Variants in PCDHGB1 observed in about 807,000 individuals in gnomAD.
PCDHGB1 encodes protocadherin gamma-B1.
A neutral mutation model predicts 56.6 loss-of-function variants in PCDHGB1; 34 were observed. The observed-to-expected ratio is 0.60, with a 90% CI of 0.46 to 0.80. PCDHGB1 has a LOEUF of 0.80. Ranked by LOEUF, PCDHGB1 falls within the 30% of genes least tolerant of loss-of-function variation. The probability of loss-of-function intolerance (pLI) is 0.00; values close to 1 mark genes in which losing one functional copy is unlikely to be tolerated. For synonymous variants in PCDHGB1, 561 were observed against 505.9 expected (o/e 1.11, Z -1.46); for missense variants, 1,278 against 1,204.6 (o/e 1.06, Z -0.90).
intron 1 of PCDHGB1, among the ~76,000 whole-genome samples, chr5:141,483,980 G>C (rs1379963326): frequency 2.0e-5 from 3 of 148,294 alleles, no homozygotes; most frequent in African/African-American, 7.5e-5. Flanking sequence ...CAAGGGAGTA[G>C]CTAGGTTGCT....
At chr5:141,421,720 G>A (rs372813759) in intron 1 of PCDHGB1, 4 of 1,613,788 alleles carry the variant, frequency 2.5e-6, no homozygotes, top group Non-Finnish European at 3.4e-6. Context: ...AGATGTGGGC[G>A]TGAACTCCCT....
At chr5:141,370,989 C>A in intron 1 of PCDHGB1, 2 of 1,613,982 alleles carry the variant, frequency 1.2e-6, no homozygotes, top group East Asian at 2.2e-5. Flanking sequence ...ACTGAAAGCA[C>A]CCCTGGACAG....
intron 1 of PCDHGB1, chr5:141,364,699 A>G (rs1465164729): frequency 1.2e-6 from 2 of 1,613,874 alleles, no homozygotes; most frequent in Non-Finnish European, 1.7e-6. Flanking sequence ...AAGTAGAAAT[A>G]ATCGATATTA....
chr5:141,408,973 T>G lies in PCDHGB1; in HGVS notation c.2409+56304T>G, dbSNP rs754120948. 4.3e-5 allele frequency: 70 copies of G among 1,613,718 alleles called. No homozygotes were observed. In the Admixed American group the frequency reaches 6.5e-4, roughly 15 times the overall value. ...TTAGTCTTAGTGAAAATCTGCCCCC[T>G]GGGTCCCCTGTGTTGCAAGTGACAG... On this transcript the variant is annotated intron_variant, in intron 1 of 3. Transcript: ENST00000523390.
chr5:141,404,387 C>A, intron 1 of PCDHGB1: 1 of 1,613,874 alleles, frequency 6.2e-7, no homozygotes, highest in Non-Finnish European at 8.5e-7. Context: ...TGCCTATGAC[C>A]CTGATAGCAA....
chr5:141,394,496 G>T (rs779718881), intron 1 of PCDHGB1: 5 of 1,614,118 alleles, frequency 3.1e-6, no homozygotes, highest in Middle Eastern at 1.6e-4. Context: ...ACGCGCCCGA[G>T]ATCCTGTACC....
intron 2 of PCDHGB1, among the ~76,000 whole-genome samples, chr5:141,503,851 A>C (rs1484022055): frequency 6.6e-6 from 1 of 152,116 alleles, no homozygotes; most frequent in Non-Finnish European, 1.5e-5. Context: ...CCTTGGAAAA[A>C]TTGTAAAGCA....
At chr5:141,391,358 G>T (rs2150448712) in intron 1 of PCDHGB1, 1 of 150,474 alleles carries the variant, frequency 6.6e-6, no homozygotes, top group East Asian at 1.9e-4. Context: ...TGTTACTCAG[G>T]CTGTAGTGCA....
rs1290674122 is a variant in PCDHGB1 at position 141,489,521 on chromosome 5, G to A, written c.2410-5286G>A. 3 of 1,613,988 alleles carry A rather than the reference G, an allele frequency of 1.9e-6. No individual in the cohort carries two copies. The highest frequency in any genetic ancestry group is 2.2e-5 in the East Asian group (1 of 44,886). On this transcript the variant is annotated intron_variant, in intron 1 of 3. Coordinates refer to ENST00000523390, the MANE Select transcript of PCDHGB1 (RefSeq NM_018922.3). This position sits in a 1 kb window ranked among gnomAD's most constrained non-coding sequence, Gnocchi z 4.5. ...GTGAATCAAAAGATTGACCGAGAAAGCCTATGTGGAGCCAGCACCAGCTGC... is the reference window on the plus strand; with the variant it reads ...GTGAATCAAAAGATTGACCGAGAAAACCTATGTGGAGCCAGCACCAGCTGC...
At chr5:141,478,862 C>T (rs1057119202) in intron 1 of PCDHGB1, 23 of 1,325,916 alleles carry the variant, frequency 1.7e-5, no homozygotes, top group Non-Finnish European at 2.2e-5. Flanking sequence ...AAGATCTCAG[C>T]GATCAGAGTT....
At chr5:141,470,428 T>A (rs974038419) in intron 1 of PCDHGB1, among the ~76,000 whole-genome samples, 1 of 152,254 alleles carries the variant, frequency 6.6e-6, no homozygotes, top group Non-Finnish European at 1.5e-5. Flanking sequence ...TTTTTCCTTG[T>A]GTGCAATAAT....
chr5:141,488,480 C>A (rs935896624), intron 1 of PCDHGB1, among the ~76,000 whole-genome samples: 6 of 152,298 alleles, frequency 3.9e-5, no homozygotes, highest in African/African-American at 1.4e-4. Flanking sequence ...GTTCCCCTAC[C>A]CAAAAACTGT....
At chr5:141,416,014 A>G (rs1258459397) in intron 1 of PCDHGB1, 1 of 228,504 alleles carries the variant, frequency 4.4e-6, no homozygotes, top group African/African-American at 2.3e-5. Flanking sequence ...AAGAATAGGT[A>G]AGTATCAGAA....
intron 1 of PCDHGB1, chr5:141,399,738 G>T: frequency 1.2e-6 from 2 of 1,613,268 alleles, no homozygotes; most frequent in South Asian, 2.2e-5. Flanking sequence ...GCTCGCCTGC[G>T]CTCAGCGCAA....
chr5:141,361,548 C>T (rs374369531), intron 1 of PCDHGB1: 4 of 1,614,094 alleles, frequency 2.5e-6, no homozygotes, highest in African/African-American at 1.3e-5. Context: ...GCGCCTCTAT[C>T]GCTCAAATCA....
At chr5:141,364,871 G>C (rs775321480) in intron 1 of PCDHGB1, 2 of 1,614,010 alleles carry the variant, frequency 1.2e-6, no homozygotes, top group Non-Finnish European at 1.7e-6. Context: ...CTTCTCTCTG[G>C]ATGTGGTAAG....
chr5:141,480,074 A>G (rs976924380), intron 1 of PCDHGB1, among the ~76,000 whole-genome samples: 5 of 152,196 alleles, frequency 3.3e-5, no homozygotes, highest in Non-Finnish European at 7.3e-5. Flanking sequence ...TATAAGATTC[A>G]TGCATGATAT....
chr5:141,373,195 T>C (rs1018941457), intron 1 of PCDHGB1, among the ~76,000 whole-genome samples: 1 of 152,262 alleles, frequency 6.6e-6, no homozygotes, highest in African/African-American at 2.4e-5. Context: ...ACATTATGTA[T>C]ATCTTAACAC....
chr5:141,364,680 A>G (rs751537197), intron 1 of PCDHGB1: 1 of 1,614,008 alleles, frequency 6.2e-7, no homozygotes, highest in Non-Finnish European at 8.5e-7. Flanking sequence ...ATGAAAATTT[A>G]TGGAGTAGAA....
Sources: gnomAD v4.1 joint callset for allele counts (sites outside exome capture counted in the v4.1 genomes callset) on GRCh38, gnomAD v4.1.1 for gene constraint, Gnocchi (gnomAD v3.1) non-coding constraint, MANE v1.5 for transcripts, NCBI Gene and HGNC (gene_info 2026-07-23, HGNC 2026-07-21) for gene names.